The following STK3 variants were observed in gnomAD, a reference collection of about 807,000 sequenced individuals.
The protein encoded by STK3 is serine/threonine-protein kinase 3.
STK3 carries 41 observed loss-of-function variants against 58.0 expected under a neutral mutation model. The observed-to-expected ratio is 0.71, with a 90% CI of 0.55 to 0.92. The LOEUF is 0.92. Ranked by LOEUF, STK3 falls within the 40% of genes least tolerant of loss-of-function variation. The probability of loss-of-function intolerance (pLI) is 0.00; values close to 1 mark genes in which losing one functional copy is unlikely to be tolerated. For synonymous variants in STK3, 170 were observed against 191.0 expected, an observed-to-expected ratio of 0.89 and a Z score of 0.91; for missense variants, 479 against 602.7, an observed-to-expected ratio of 0.79 and a Z score of 2.15.
chr8:98,758,529 A>G (rs1481982938), intron 3 of STK3, among the ~76,000 whole-genome samples: 2 of 152,240 alleles, frequency 1.3e-5, no homozygotes, highest in East Asian at 3.8e-4. Context: ...TGCCACATAA[A>G]CAGAGGAGAT....
Position 98,706,573 on chromosome 8 carries a change from A to C in STK3, c.578T>G (p.Ile193Ser), listed in dbSNP as rs1174551470. The stretch of plus-strand genomic sequence containing the variant: ...CACACAGTTATAGCCTATTTCTTGA[A>C]TCACCTCAGGAGCCATCCAAAATGG... Reference protein sequence around the residue: ...GTPFWMAPEVIQEIGYNCVAD... With the variant: ...GTPFWMAPEVSQEIGYNCVAD... The change falls in exon 6 of 11, where the codon ATT becomes AGT. Residue 193 changes from isoleucine to serine, a missense_variant. Coordinates refer to ENST00000419617, the MANE Select transcript of STK3 (RefSeq NM_006281.4). The C allele has an allele frequency of 1.2e-6, 2 of 1,613,712 alleles. No homozygotes were observed. Among genetic ancestry groups the C allele is most frequent in the Non-Finnish European group, 1.7e-6 (2 of 1,179,802 alleles).
intron 6 of STK3, chr8:98,597,410 T>C: frequency 1.0e-6 from 1 of 985,138 alleles, no homozygotes; most frequent in South Asian, 4.7e-5. Context: ...ATACCTCACG[T>C]CATGTTATAC....
At chr8:98,574,252 A>G (rs1052994280) in intron 8 of STK3, among the ~76,000 whole-genome samples, 1 of 152,142 alleles carries the variant, frequency 6.6e-6, no homozygotes, top group Non-Finnish European at 1.5e-5. Flanking sequence ...ACAAAAGGAG[A>G]GAGATAAGCT....
intron 3 of STK3, chr8:98,412,987 C>A: frequency 4.2e-6 from 1 of 236,026 alleles, no homozygotes; most frequent in South Asian, 5.3e-5. Flanking sequence ...TGGGACTAGT[C>A]CTTCTGATAT....
At chr8:98,413,904 AC>A in intron 3 of STK3, 1 of 446,966 alleles carries the variant, frequency 2.2e-6, no homozygotes. Flanking sequence ...TAACTGGTTC[AC>A]AGGGCCCTAT....
intron 3 of STK3, among the ~76,000 whole-genome samples, chr8:98,395,442 T>C (rs1352451432): frequency 6.6e-6 from 1 of 152,366 alleles, no homozygotes; most frequent in Non-Finnish European, 1.5e-5. Flanking sequence ...TTGATAATAT[T>C]ATGGCAGAAT....
intron 3 of STK3, chr8:98,413,661 T>C (rs1818082207): frequency 2.3e-6 from 2 of 876,580 alleles, no homozygotes; most frequent in Non-Finnish European, 1.9e-6. Context: ...AGAAAAGCAG[T>C]TGAGGAACTC....
intron 6 of STK3, among the ~76,000 whole-genome samples, chr8:98,600,696 T>G (rs1169053530): frequency 6.6e-6 from 1 of 152,142 alleles, no homozygotes; most frequent in Non-Finnish European, 1.5e-5. Flanking sequence ...AAGATTATAG[T>G]TTTACTGTCT....
rs1351275452 is a variant in STK3 at position 98,428,850 on chromosome 8, G to A, written n.483+5277C>T. The A allele has an allele frequency of 5.0e-6, 8 of 1,614,008 alleles. No individual in the cohort carries two copies. Among genetic ancestry groups the A allele is most frequent in the Non-Finnish European group, 6.8e-6 (8 of 1,180,038 alleles). ...GAGCACACCTACTTTAGCCAACTTG[G>A]GCAGGGTGGCCCAGGTCCTGAGGCT... is the stretch of plus-strand genomic sequence containing the variant. On this transcript the variant is annotated intron_variant and non_coding_transcript_variant, in intron 3 of 3. Transcript: ENST00000517832. The surrounding 1 kb of genome is among the most constrained non-coding windows in gnomAD (Gnocchi z 6.7).
intron 7 of STK3, among the ~76,000 whole-genome samples, chr8:98,580,685 T>G (rs1035411748): frequency 6.6e-6 from 1 of 152,198 alleles, no homozygotes; most frequent in Non-Finnish European, 1.5e-5. Flanking sequence ...CAATCATGGC[T>G]CACTATAGTC....
chr8:98,616,748 A>C (rs1450073909), intron 6 of STK3, among the ~76,000 whole-genome samples: 1 of 151,878 alleles, frequency 6.6e-6, no homozygotes, highest in Non-Finnish European at 1.5e-5. Flanking sequence ...GATCAATTCA[A>C]CAAGAAGAGC....
intron 10 of STK3, among the ~76,000 whole-genome samples, chr8:98,474,447 T>A (rs987234406): frequency 1.3e-5 from 2 of 152,232 alleles, no homozygotes; most frequent in African/African-American, 4.8e-5. Context: ...ATTACTCCTA[T>A]GTTTCCATCA....
intron 1 of STK3, among the ~76,000 whole-genome samples, chr8:98,897,301 T>G (rs532696576): frequency 1.3e-5 from 2 of 152,314 alleles, no homozygotes; most frequent in South Asian, 4.1e-4. Context: ...CTCACGCCTG[T>G]AATCCTAGCA....
At chr8:98,356,551 C>T in the STK3 span, among the ~76,000 whole-genome samples, 2 of 152,164 alleles carry the variant, frequency 1.3e-5, no homozygotes, top group South Asian at 4.1e-4. Context: ...GAAAGCTAAG[C>T]CGAAAGCCAG....
intron 3 of STK3, among the ~76,000 whole-genome samples, chr8:98,832,442 T>C (rs1835573096): frequency 1.3e-5 from 2 of 152,072 alleles, no homozygotes; most frequent in African/African-American, 4.8e-5. Flanking sequence ...GCATCCTGTG[T>C]GCATCCTCTG....
At chr8:98,760,728 TG>T (rs57932994) in intron 3 of STK3, among the ~76,000 whole-genome samples, 47,404 of 150,678 alleles carry the variant, frequency 0.31, 7,825 homozygotes, top group East Asian at 0.44. Flanking sequence ...TTTGAGGGGG[TG>T]GGGGGCTTCT....
chr8:98,828,829 A>G (rs190107398), upstream of STK3, among the ~76,000 whole-genome samples: 11 of 152,264 alleles, frequency 7.2e-5, no homozygotes, highest in African/African-American at 1.2e-4. Context: ...AACTTGTCAC[A>G]CTATATTGAA....
intron 10 of STK3, among the ~76,000 whole-genome samples, chr8:98,519,537 A>T (rs1009982288): frequency 3.9e-5 from 6 of 152,166 alleles, no homozygotes; most frequent in African/African-American, 1.4e-4. Context: ...CAGCTCCAGC[A>T]GCAGGGTTGG....
chr8:98,661,426 C>T (rs1003461311), intron 6 of STK3, among the ~76,000 whole-genome samples: 1 of 151,992 alleles, frequency 6.6e-6, no homozygotes, highest in Non-Finnish European at 1.5e-5. Context: ...TCTCTATCAC[C>T]GCAGCTAATA....
Sources: allele counts gnomAD v4.1 joint callset (sites outside exome capture counted in the v4.1 genomes callset), GRCh38; gene constraint gnomAD v4.1.1; non-coding constraint Gnocchi (gnomAD v3.1); transcripts MANE v1.5; gene names NCBI Gene and HGNC (gene_info 2026-07-23, HGNC 2026-07-21).